WDR25: variants seen among roughly 807,000 people sequenced by gnomAD.
WDR25 encodes WD repeat-containing protein 25.
WDR25 carries 35 observed loss-of-function variants against 47.7 expected under a neutral mutation model. The observed-to-expected ratio is 0.73, with a 90% CI of 0.56 to 0.97. The LOEUF is 0.97. WDR25 is among the 50% of genes least tolerant of loss of function. The pLI, the probability that WDR25 is intolerant of heterozygous loss-of-function variation, is 0.00. For synonymous variants in WDR25, 248 were observed against 278.9 expected (o/e 0.89, Z 1.10); for missense variants, 634 against 704.7 (o/e 0.90, Z 1.14).
rs1386721486 is a variant in WDR25, at chr14:100,392,972, G to T, written c.822+11226G>T. Among the ~76,000 whole-genome samples, 1 of 152,174 alleles carries T rather than the reference G, an allele frequency of 6.6e-6. No individual in the cohort carries two copies. Among genetic ancestry groups the T allele is most frequent in the Non-Finnish European group, 1.5e-5 (1 of 68,036 alleles). ...CTTTCCAAAAGGATTATACCAATTT[G>T]CACTGCCACCGCAAAGCTTGCGGTG... On this transcript the variant is annotated intron_variant, in intron 2 of 6. Coordinates refer to ENST00000402312, the MANE Select transcript of WDR25 (RefSeq NM_001161476.3). This position sits in a 1 kb window ranked among gnomAD's most constrained non-coding sequence, Gnocchi z 4.2.
intron 2 of WDR25, among the ~76,000 whole-genome samples, chr14:100,413,329 C>T (rs1023757953): frequency 1.3e-5 from 2 of 152,154 alleles, no homozygotes; most frequent in African/African-American, 4.8e-5. Context: ...TCTGTTAGTT[C>T]CACCCCCAAC....
At chr14:100,402,110 G>A (rs569472755) in intron 2 of WDR25, among the ~76,000 whole-genome samples, 1 of 152,288 alleles carries the variant, frequency 6.6e-6, no homozygotes, top group East Asian at 1.9e-4. Context: ...AATGCTCCTG[G>A]AACAGATCTT....
At chr14:100,382,137 G>A (rs975248860) in intron 2 of WDR25, 7 of 702,878 alleles carry the variant, frequency 1.0e-5, no homozygotes, top group African/African-American at 5.2e-5. Flanking sequence ...CTGGTTTCAA[G>A]GGCTGTTGGG....
At chr14:100,423,771 G>A (rs1446600424) in intron 2 of WDR25, among the ~76,000 whole-genome samples, 3 of 152,208 alleles carry the variant, frequency 2.0e-5, no homozygotes, top group Non-Finnish European at 4.4e-5. Flanking sequence ...TCTGTGTTGA[G>A]AACCAGAGCC....
At chr14:100,517,457 C>G (rs190505067) in intron 4 of WDR25, among the ~76,000 whole-genome samples, 1 of 152,030 alleles carries the variant, frequency 6.6e-6, no homozygotes, top group East Asian at 1.9e-4. Flanking sequence ...TTGTATTATA[C>G]CTTTAAATTG....
At chr14:100,413,477 G>A (rs1246277033) in intron 2 of WDR25, among the ~76,000 whole-genome samples, 5 of 150,342 alleles carry the variant, frequency 3.3e-5, no homozygotes, top group Non-Finnish European at 5.9e-5. Context: ...GCAGTGCCAC[G>A]ATCTCGGCTC....
In WDR25 at chr14:100,492,316, C is replaced by T. The variant is rs113435335; in HGVS notation, c.1101+8192C>T. The stretch of plus-strand genomic sequence containing the variant: ...GAATCTGGAACCTCAGAGACCTGCC[C>T]TGCAACCCAGTCCTCCTCTTCAGCC... On this transcript the variant is annotated intron_variant, in intron 4 of 6. Transcript: ENST00000402312. Among the ~76,000 whole-genome samples, 415 of 152,334 alleles carry T rather than the reference C, an allele frequency of 2.7e-3. 3 individuals are homozygous for T. The highest frequency in any genetic ancestry group is 9.6e-3 in the African/African-American group (397 of 41,570).
rs1196368139 is a variant in WDR25, at chr14:100,392,519, A to G, written c.822+10773A>G. ...TACAAAACCATAAGCAAAATCCACC[A>G]ACTCGACCATACACTGAAATTATCA... On this transcript the variant is annotated intron_variant, in intron 2 of 6. Transcript: ENST00000402312. The surrounding 1 kb of genome is among the most constrained non-coding windows in gnomAD (Gnocchi z 4.2). Among the ~76,000 whole-genome samples the G allele has an allele frequency of 6.6e-6, 1 of 151,900 alleles. No individual in the cohort carries two copies. Among genetic ancestry groups the G allele is most frequent in the Non-Finnish European group, 1.5e-5 (1 of 67,990 alleles).
At chr14:100,448,620 A>G (rs1898919602) in intron 2 of WDR25, among the ~76,000 whole-genome samples, 1 of 152,150 alleles carries the variant, frequency 6.6e-6, no homozygotes, top group African/African-American at 2.4e-5. Context: ...GGACTCCGTC[A>G]CCTGCGTAAA....
chr14:100,412,561 A>C (rs1437309822), intron 2 of WDR25, among the ~76,000 whole-genome samples: 2 of 152,242 alleles, frequency 1.3e-5, no homozygotes, highest in Non-Finnish European at 2.9e-5. Flanking sequence ...TAAGTTAAAC[A>C]CAAATACAGA....
chr14:100,447,543 A>G (rs1192551063), intron 2 of WDR25, among the ~76,000 whole-genome samples: 2 of 151,534 alleles, frequency 1.3e-5, no homozygotes, highest in Non-Finnish European at 2.9e-5. Context: ...TTTGGGAGGG[A>G]GGTTGGGGTA....
chr14:100,446,406 C>T (rs1197574065), intron 2 of WDR25, among the ~76,000 whole-genome samples: 1 of 151,894 alleles, frequency 6.6e-6, no homozygotes, highest in African/African-American at 2.4e-5. Flanking sequence ...CAAAAATTAG[C>T]CAGGCATGGT....
At chr14:100,497,755 C>T (rs1900782054) in intron 4 of WDR25, among the ~76,000 whole-genome samples, 1 of 152,156 alleles carries the variant, frequency 6.6e-6, no homozygotes, top group Non-Finnish European at 1.5e-5. Context: ...TGTCACCTGT[C>T]CTCCAACTCT....
At chr14:100,437,284 T>C (rs1230289390) in intron 2 of WDR25, among the ~76,000 whole-genome samples, 1 of 152,118 alleles carries the variant, frequency 6.6e-6, no homozygotes, top group African/African-American at 2.4e-5. Context: ...GGCCCAGCCT[T>C]AGCCCCATCC....
chr14:100,429,730 T>C (rs2140228779), intron 2 of WDR25, among the ~76,000 whole-genome samples: 1 of 152,292 alleles, frequency 6.6e-6, no homozygotes, highest in African/African-American at 2.4e-5. Flanking sequence ...AGGTGTGGGC[T>C]TTCCCCTTGG....
At chr14:100,385,677 C>G (rs539227561) in intron 2 of WDR25, among the ~76,000 whole-genome samples, 44 of 152,214 alleles carry the variant, frequency 2.9e-4, no homozygotes, top group Non-Finnish European at 1.6e-4. Context: ...CACCGCTGCT[C>G]TTTCCTGACG....
chr14:100,444,882 G>A (rs924023306), intron 2 of WDR25, among the ~76,000 whole-genome samples: 1 of 152,186 alleles, frequency 6.6e-6, no homozygotes, highest in Admixed American at 6.5e-5. Flanking sequence ...CTTCTACTTC[G>A]TCACTTTAAT....
chr14:100,405,678 G>A (rs1381341356), intron 2 of WDR25, among the ~76,000 whole-genome samples: 1 of 152,262 alleles, frequency 6.6e-6, no homozygotes, highest in Non-Finnish European at 1.5e-5. Flanking sequence ...GCTGGCCATC[G>A]GGAGGTGGGT....
Position 100,407,652 on chromosome 14 carries a change from T to C in WDR25, c.822+25906T>C, listed in dbSNP as rs573063032. The C allele has an allele frequency of 1.3e-5, 2 of 152,282 alleles. No homozygotes were observed. The highest frequency in any genetic ancestry group is 2.9e-5 in the Non-Finnish European group (2 of 68,044). The allele number at this position is 152,282 out of a possible 1,614,324, so 9.4% of individuals were successfully genotyped here. ...ATGCACCCTGGCGCTCTGGGTATGT[T>C]GTTTCTGCAGGTTTGGGAGGCAGCT... is the stretch of plus-strand genomic sequence containing the variant. On this transcript the variant is annotated intron_variant, in intron 2 of 6. Coordinates refer to ENST00000402312, the MANE Select transcript of WDR25 (RefSeq NM_001161476.3). This position sits in a 1 kb window ranked among gnomAD's most constrained non-coding sequence, Gnocchi z 4.1.
Sources: allele counts gnomAD v4.1 joint callset (sites outside exome capture counted in the v4.1 genomes callset), GRCh38; gene constraint gnomAD v4.1.1; non-coding constraint Gnocchi (gnomAD v3.1); transcripts MANE v1.5; gene names NCBI Gene and HGNC (gene_info 2026-07-23, HGNC 2026-07-21).